FKBP5: variants seen among roughly 807,000 people sequenced by gnomAD.
FKBP5 encodes the protein FKBP prolyl isomerase 5, also known as peptidyl-prolyl cis-trans isomerase FKBP5.
In FKBP5, 23 loss-of-function variants were observed where a neutral mutation model predicts 50.5. The observed-to-expected ratio is 0.46, with a 90% CI of 0.33 to 0.65. The LOEUF is 0.65. Among genes scored for constraint, FKBP5 ranks in the 30% least tolerant of loss-of-function variants. The probability of loss-of-function intolerance (pLI) is 0.02; values close to 1 mark genes in which losing one functional copy is unlikely to be tolerated. For synonymous variants in FKBP5, 176 were observed against 190.6 expected, an observed-to-expected ratio of 0.92 and a Z score of 0.63; for missense variants, 411 against 553.1, an observed-to-expected ratio of 0.74 and a Z score of 2.58.
At position 35,597,389 on chromosome 6, in the gene FKBP5, C is replaced by T. The variant is rs544420617; in HGVS notation, c.524G>A (p.Arg175His). The T allele has an allele frequency of 9.9e-6, 16 of 1,613,700 alleles. No individual in the cohort carries two copies. Among genetic ancestry groups the T allele is most frequent in the East Asian group, 4.5e-5 (2 of 44,858 alleles). The stretch of plus-strand genomic sequence containing the variant: ...GCAGTCAAACATCCTTCCACCACAG[C>T]GGCCTTCCAGGTGGACTGAGGGCAA... ...GATVEIHLEG[R>H]CGGRMFDCRD... The change falls in exon 6 of 11, where the codon CGC (arginine) becomes CAC (histidine). Residue 175 changes from arginine to histidine, a missense_variant. Physicochemically the swap from Arg to His is conservative, Grantham distance 29 (BLOSUM62 0). This residue lies in a region of FKBP5 where 267 missense variants were observed against 405.9 expected (regional missense o/e 0.66). Transcript: ENST00000357266.
At chr6:35,694,370 C>T (rs1350272692) in intron 2 of FKBP5, among the ~76,000 whole-genome samples, 1 of 152,150 alleles carries the variant, frequency 6.6e-6, no homozygotes, top group East Asian at 1.9e-4. Context: ...TGGTCTCGAA[C>T]TCCTGGCTTC....
Position 35,575,838 on chromosome 6 carries a change from T to C in FKBP5, c.1371A>G (p.Val457=), listed in dbSNP as rs761216708. 6.2e-7 allele frequency: 1 copy of C among 1,609,604 alleles called. No homozygotes were observed. Among genetic ancestry groups the C allele is most frequent in the Admixed American group, 1.7e-5 (1 of 60,014 alleles). Residue 457 remains valine (V), a synonymous_variant, in exon 11 of 11, where the codon GTA becomes GTG. Transcript: ENST00000357266. ...AMEEEKPEGH[V] is the part of the protein sequence containing the mutation. ...CTCTTCCCTCCTTGGCGTGGCGTCA[T>C]ACGTGGCCCTCAGGTTTCTCTTCTT... is the stretch of plus-strand genomic sequence containing the variant.
intron 1 of FKBP5, among the ~76,000 whole-genome samples, chr6:35,681,248 G>A (rs1273775571): frequency 6.6e-6 from 1 of 151,954 alleles, no homozygotes; most frequent in Admixed American, 6.6e-5. Flanking sequence ...ATAACAATTG[G>A]CAAAACTGGA....
At chr6:35,653,647 C>T (rs1377752222) in intron 1 of FKBP5, among the ~76,000 whole-genome samples, 2 of 152,116 alleles carry the variant, frequency 1.3e-5, no homozygotes, top group Non-Finnish European at 2.9e-5. Context: ...CCACCACCTA[C>T]AGTAAAAAGG....
chr6:35,697,001 T>C (rs1766091471), intron 2 of FKBP5, among the ~76,000 whole-genome samples: 1 of 152,186 alleles, frequency 6.6e-6, no homozygotes, highest in Non-Finnish European at 1.5e-5. Flanking sequence ...TAAAATGGTA[T>C]GGCCTCTGTG....
intron 5 of FKBP5, among the ~76,000 whole-genome samples, chr6:35,607,364 C>T (rs1763355253): frequency 1.3e-5 from 2 of 149,686 alleles, no homozygotes; most frequent in African/African-American, 5.0e-5. Context: ...CACCACCATG[C>T]TTGGCCTTTT....
chr6:35,633,089 C>T (rs1466818832), intron 3 of FKBP5, among the ~76,000 whole-genome samples: 2 of 151,886 alleles, frequency 1.3e-5, no homozygotes, highest in Non-Finnish European at 2.9e-5. Flanking sequence ...TACTAGAATC[C>T]CCAAATTAGG....
chr6:35,617,751 C>T (rs1417147167), intron 5 of FKBP5, among the ~76,000 whole-genome samples: 1 of 152,172 alleles, frequency 6.6e-6, no homozygotes, highest in African/African-American at 2.4e-5. Flanking sequence ...TCCTCAAGCA[C>T]TCAAAGTATA....
chr6:35,684,578 T>C (rs1186690731), intron 1 of FKBP5, among the ~76,000 whole-genome samples: 1 of 152,198 alleles, frequency 6.6e-6, no homozygotes, highest in Non-Finnish European at 1.5e-5. Context: ...TCAATATCTT[T>C]TGACTGATTG....
intron 2 of FKBP5, among the ~76,000 whole-genome samples, chr6:35,712,764 C>T (rs775957673): frequency 6.6e-6 from 1 of 152,164 alleles, no homozygotes; most frequent in East Asian, 1.9e-4. Context: ...GCACCAGTGC[C>T]TTGTCTTCTG....
intron 5 of FKBP5, among the ~76,000 whole-genome samples, chr6:35,598,928 A>G (rs1020296228): frequency 2.0e-5 from 3 of 152,138 alleles, no homozygotes; most frequent in African/African-American, 7.2e-5. Flanking sequence ...AGATTGCGCT[A>G]CTGCACTCCA....
At chr6:35,683,967 A>C (rs1438520154) in intron 1 of FKBP5, among the ~76,000 whole-genome samples, 1 of 152,060 alleles carries the variant, frequency 6.6e-6, no homozygotes, top group Non-Finnish European at 1.5e-5. Context: ...CTGAGGCAGG[A>C]AGAATCGCTT....
chr6:35,633,218 T>C (rs1224122618), intron 3 of FKBP5, among the ~76,000 whole-genome samples: 1 of 152,068 alleles, frequency 6.6e-6, no homozygotes, highest in Admixed American at 6.6e-5. Flanking sequence ...TTCTTCATTT[T>C]GATAAACTAC....
At chr6:35,636,990 C>T in intron 3 of FKBP5, 24 bp downstream of exon 3, 1 of 1,569,820 alleles carries the variant, frequency 6.4e-7, no homozygotes, top group Non-Finnish European at 8.6e-7. Flanking sequence ...AAGTAAAACA[C>T]AACTCAAAAA....
Position 35,577,044 on chromosome 6 carries a change from G to T in FKBP5, c.1216C>A (p.Arg406Ser). 1 of 1,614,124 alleles carries T rather than the reference G, an allele frequency of 6.2e-7. No individual in the cohort carries two copies. The highest frequency in any genetic ancestry group is 8.5e-7 in the Non-Finnish European group (1 of 1,180,014). ...KKAKEHNERD[R>S]RIYANMFKKF... is the part of the protein sequence containing the mutation. ...TTGAACATGTTGGCGTATATCCTGC[G>T]GTCCCGCTCGTTGTGCTCCTTGGCC... is the stretch of plus-strand genomic sequence containing the variant. Residue 406 changes from arginine (R) to serine (S), a missense_variant, in exon 10 of 11, where the codon CGC (arginine) becomes AGC (serine). This residue lies in a region of FKBP5 where 88 missense variants were observed against 89.0 expected (regional missense o/e 0.99). Transcript: ENST00000357266.
At chr6:35,695,275 T>A (rs1223526285) in intron 2 of FKBP5, among the ~76,000 whole-genome samples, 1 of 152,224 alleles carries the variant, frequency 6.6e-6, no homozygotes, top group Non-Finnish European at 1.5e-5. Context: ...GGGATTCTCA[T>A]GCCTCAGCCT....
chr6:35,613,632 G>T (rs140595559), intron 5 of FKBP5, among the ~76,000 whole-genome samples: 4 of 152,178 alleles, frequency 2.6e-5, no homozygotes, highest in Admixed American at 2.0e-4. Flanking sequence ...TCTTGGTTTT[G>T]AACAGGACCA....
intron 3 of FKBP5, among the ~76,000 whole-genome samples, chr6:35,625,512 A>G (rs985293729): frequency 5.9e-5 from 9 of 151,522 alleles, no homozygotes; most frequent in Non-Finnish European, 1.0e-4. Context: ...TGAGGTGGGC[A>G]GATCACGAGG....
chr6:35,681,829 C>G (rs1218704004), intron 1 of FKBP5, among the ~76,000 whole-genome samples: 2 of 152,088 alleles, frequency 1.3e-5, no homozygotes, highest in South Asian at 2.1e-4. Flanking sequence ...GATATTTATA[C>G]ATATGTGTAA....
Sources: gnomAD v4.1 joint callset for allele counts (sites outside exome capture counted in the v4.1 genomes callset) on GRCh38, gnomAD v4.1.1 for gene constraint, gnomAD v4.1.1 regional missense constraint, MANE v1.5 for transcripts, NCBI Gene and HGNC (gene_info 2026-07-23, HGNC 2026-07-21) for gene names.